Variants in DOCK3 observed in about 807,000 individuals in gnomAD.
DOCK3 encodes dedicator of cytokinesis 3, also known as dedicator of cytokinesis protein 3.
DOCK3 carries 60 observed loss-of-function variants against 265.6 expected under a neutral mutation model. The ratio of observed to expected loss-of-function variants is 0.23; its 90% CI spans 0.18 to 0.28. DOCK3 has a LOEUF of 0.28. DOCK3 is among the 10% of genes least tolerant of loss of function. The pLI is 1.00. For synonymous variants in DOCK3, 881 were observed against 938.0 expected, an observed-to-expected ratio of 0.94 and a Z score of 1.11; for missense variants, 1,981 against 2,594.3, an observed-to-expected ratio of 0.76 and a Z score of 5.14.
chr3:50,862,418 G>T (rs2046961216), intron 3 of DOCK3, among the ~76,000 whole-genome samples: 1 of 152,224 alleles, frequency 6.6e-6, no homozygotes, highest in South Asian at 2.1e-4. Flanking sequence ...GTGCTTAAGA[G>T]TAAGAGCTGG....
chr3:51,005,194 C>T (rs1476087372), intron 5 of DOCK3, among the ~76,000 whole-genome samples: 1 of 151,924 alleles, frequency 6.6e-6, no homozygotes, highest in Admixed American at 6.6e-5. Context: ...TGATTACTGC[C>T]TTCACTTTGA....
intron 19 of DOCK3, among the ~76,000 whole-genome samples, chr3:51,234,822 G>A (rs1324911740): frequency 2.6e-5 from 4 of 152,140 alleles, no homozygotes; most frequent in Non-Finnish European, 5.9e-5. Flanking sequence ...GGCTTTTCTG[G>A]GCAGAGTGTT....
intron 5 of DOCK3, among the ~76,000 whole-genome samples, chr3:51,011,645 A>G (rs1261411530): frequency 2.0e-5 from 3 of 152,172 alleles, no homozygotes; most frequent in African/African-American, 4.8e-5. Flanking sequence ...TTCTCTATCC[A>G]GCTTTGTTGC....
chr3:51,278,128 T>C, intron 26 of DOCK3: 2 of 985,438 alleles, frequency 2.0e-6, no homozygotes, highest in Non-Finnish European at 2.4e-6. Context: ...TTCTCCTAAA[T>C]GATGTACAGG....
At chr3:51,188,047 G>T (rs978528728) in intron 12 of DOCK3, among the ~76,000 whole-genome samples, 16 of 152,216 alleles carry the variant, frequency 1.1e-4, no homozygotes, top group Admixed American at 3.3e-4. Flanking sequence ...AGAGGAAAGA[G>T]CTAGACTCAG....
At chr3:50,975,368 C>T in intron 5 of DOCK3, among the ~76,000 whole-genome samples, 1 of 150,588 alleles carries the variant, frequency 6.6e-6, no homozygotes. Flanking sequence ...TGAATTTTGT[C>T]AAAGGCCTTT....
At chr3:51,073,109 TTAAAGAA>T (rs769223337) in intron 6 of DOCK3, among the ~76,000 whole-genome samples, 22 of 152,192 alleles carry the variant, frequency 1.4e-4, no homozygotes, top group Non-Finnish European at 2.6e-4. Flanking sequence ...TCTCAAATGA[TTAAAGAA>T]TATGTATGAA....
chr3:50,728,878 G>A (rs1454207558), intron 1 of DOCK3, among the ~76,000 whole-genome samples: 1 of 135,230 alleles, frequency 7.4e-6, no homozygotes, highest in Non-Finnish European at 1.6e-5. Flanking sequence ...ACCTGCCACC[G>A]CATTGGGCTA....
intron 5 of DOCK3, among the ~76,000 whole-genome samples, chr3:51,018,092 A>G (rs9311460): frequency 0.9 from 136,430 of 151,432 alleles, 61,695 homozygotes; most frequent in African/African-American, 0.95. Flanking sequence ...GGGTTTCACT[A>G]TGTTGGCCAG....
At chr3:51,147,112 T>A (rs2085333499) in intron 10 of DOCK3, among the ~76,000 whole-genome samples, 1 of 151,116 alleles carries the variant, frequency 6.6e-6, no homozygotes, top group Non-Finnish European at 1.5e-5. Context: ...GACCAGACCC[T>A]GTCTCAAAAA....
At chr3:50,805,045 A>G (rs1576487813) in intron 2 of DOCK3, among the ~76,000 whole-genome samples, 1 of 152,184 alleles carries the variant, frequency 6.6e-6, no homozygotes, top group African/African-American at 2.4e-5. Flanking sequence ...TTACTGGATA[A>G]TCGTTTTTCT....
chr3:51,350,876 C>G (rs1453990419), intron 40 of DOCK3, among the ~76,000 whole-genome samples: 1 of 152,208 alleles, frequency 6.6e-6, no homozygotes, highest in Admixed American at 6.5e-5. Flanking sequence ...ATGAGAGAAC[C>G]TGAAGAACAC....
At position 51,228,769 on chromosome 3, in the gene DOCK3, C is replaced by T; in HGVS notation, c.1756C>T (p.Arg586Cys). 2 of 1,613,984 alleles carry T rather than the reference C, an allele frequency of 1.2e-6. No individual in the cohort carries two copies. The highest frequency in any genetic ancestry group is 1.1e-5 in the South Asian group (1 of 91,086). The part of the protein sequence containing the change: ...PNIPSSLIFQ[R>C]STKESFFIST... ...TATTCCTTCTAGCCTCATCTTCCAGCGCAGCACCAAAGAGTCTTTCTTCAT... is the reference window on the plus strand; with the variant it reads ...TATTCCTTCTAGCCTCATCTTCCAGTGCAGCACCAAAGAGTCTTTCTTCAT... Residue 586 changes from arginine to cysteine, a missense_variant, in exon 18 of 53, where the codon CGC becomes TGC. Transcript: ENST00000266037.
chr3:50,722,776 T>TTC (rs2037555033), intron 1 of DOCK3, among the ~76,000 whole-genome samples: 1 of 149,172 alleles, frequency 6.7e-6, no homozygotes, highest in African/African-American at 2.5e-5. Context: ...CTTGTTTTTT[T>TTC]TTTTTTTTCT....
Position 51,241,235 on chromosome 3 carries a change from G to C in DOCK3, c.2102+3645G>C, listed in dbSNP as rs1188661352. On this transcript the variant is annotated intron_variant, in intron 21 of 52. Coordinates refer to ENST00000266037, the MANE Select transcript of DOCK3 (RefSeq NM_004947.5). ...ATTTATTGGAATTTCTTTTCTTTAA[G>C]AATGTTGAATATTGGCCCCCAGTCT... Among the ~76,000 whole-genome samples, 3 of 152,278 alleles carry C rather than the reference G, an allele frequency of 2.0e-5. No homozygotes were observed. In the East Asian group the frequency reaches 5.8e-4, roughly 29 times the overall value.
At chr3:50,784,821 G>A (rs891949703) in intron 2 of DOCK3, among the ~76,000 whole-genome samples, 2 of 152,154 alleles carry the variant, frequency 1.3e-5, no homozygotes, top group African/African-American at 4.8e-5. Flanking sequence ...TAGCCTGGTG[G>A]CTGTTGGTGT....
In DOCK3 at chr3:51,089,172, A is replaced by C. The variant is rs1553755904; in HGVS notation, c.550-71A>C. ...TAAAAGGCATAGCAGACTGCCCAGC[A>C]TATAGAAAGTTCTTAATAAAATTTA... is the stretch of plus-strand genomic sequence containing the variant. On this transcript the variant is annotated intron_variant, in intron 7 of 52. Coordinates refer to ENST00000266037, the MANE Select transcript of DOCK3 (RefSeq NM_004947.5). 35 of 1,491,212 alleles carry C rather than the reference A, an allele frequency of 2.3e-5. No individual in the cohort carries two copies. The South Asian group carries it at 4.0e-4, about 17-fold the overall frequency. The allele number at this position is 1,491,212 out of a possible 1,614,324, so 92.4% of individuals were successfully genotyped here. A position where few individuals can be genotyped will look rare whatever the true frequency, so the allele number is the denominator to read the frequency against.
intron 9 of DOCK3, among the ~76,000 whole-genome samples, chr3:51,120,567 C>G (rs1430852699): frequency 1.3e-5 from 2 of 152,226 alleles, no homozygotes; most frequent in Admixed American, 6.5e-5. Context: ...GCGCCCACAC[C>G]TGCCACTTCC....
At chr3:51,271,477 C>A (rs982468384) in intron 24 of DOCK3, among the ~76,000 whole-genome samples, 1 of 151,934 alleles carries the variant, frequency 6.6e-6, no homozygotes, top group African/African-American at 2.4e-5. Context: ...TTTAAAAGGT[C>A]GCTAATCTTG....
Sources: gnomAD v4.1 joint callset for allele counts (sites outside exome capture counted in the v4.1 genomes callset) on GRCh38, gnomAD v4.1.1 for gene constraint, MANE v1.5 for transcripts, NCBI Gene and HGNC (gene_info 2026-07-23, HGNC 2026-07-21) for gene names.